TOX: variants seen among roughly 807,000 people sequenced by gnomAD.
TOX encodes thymocyte selection associated high mobility group box.
A neutral mutation model predicts 53.7 loss-of-function variants in TOX; 11 were observed. The observed-to-expected ratio is 0.20, with a 90% CI of 0.13 to 0.34. The LOEUF is 0.34. Among genes scored for constraint, TOX ranks in the 10% least tolerant of loss-of-function variants. The pLI, the probability that TOX is intolerant of heterozygous loss-of-function variation, is 1.00. For synonymous variants in TOX, 225 were observed against 245.3 expected (o/e 0.92, Z 0.77); for missense variants, 570 against 664.6 (o/e 0.86, Z 1.56).
At position 58,815,512 on chromosome 8, in the gene TOX, C is replaced by T. The variant is rs532438849; in HGVS notation, c.1218G>A (p.Val406=). 2 of 1,613,904 alleles carry T rather than the reference C, an allele frequency of 1.2e-6. No homozygotes were observed. Among genetic ancestry groups the T allele is most frequent in the Non-Finnish European group, 1.7e-6 (2 of 1,179,986 alleles). ...IAPKPNNQMP[V]TVSIANMAVS... ...CAGCCATGTTTGCTATAGAGACAGTCACTGGCATTTGGTTATTCGGCTTGG... is the reference window on the plus strand; with the variant it reads ...CAGCCATGTTTGCTATAGAGACAGTTACTGGCATTTGGTTATTCGGCTTGG... The change falls in exon 7 of 9, where the codon GTG becomes GTA. Residue 406 remains valine, a synonymous_variant. Transcript: ENST00000361421.
chr8:59,068,635 A>G (rs1447451547), intron 1 of TOX, among the ~76,000 whole-genome samples: 1 of 152,186 alleles, frequency 6.6e-6, no homozygotes, highest in Non-Finnish European at 1.5e-5. Flanking sequence ...CTTTACAACA[A>G]CCTTGTATGC....
At chr8:58,965,910 T>G (rs957225000) in intron 1 of TOX, among the ~76,000 whole-genome samples, 3 of 134,012 alleles carry the variant, frequency 2.2e-5, no homozygotes, top group East Asian at 2.1e-4. Flanking sequence ...TTTTTTTTTT[T>G]TTTTTTTTTT....
intron 3 of TOX, among the ~76,000 whole-genome samples, chr8:58,863,138 C>T (rs1811038824): frequency 6.6e-6 from 1 of 152,036 alleles, no homozygotes; most frequent in Non-Finnish European, 1.5e-5. Flanking sequence ...CCCTGTGTGA[C>T]AAGTGGCATA....
chr8:58,824,086 AC>A (rs144362312), intron 6 of TOX, among the ~76,000 whole-genome samples: 22,450 of 152,020 alleles, frequency 0.15, 1,985 homozygotes, highest in Non-Finnish European at 0.2. Flanking sequence ...ACTCTGAGGC[AC>A]TGGGTATTTT....
chr8:59,047,474 G>A (rs1376324683), intron 1 of TOX, among the ~76,000 whole-genome samples: 4 of 151,500 alleles, frequency 2.6e-5, no homozygotes, highest in Non-Finnish European at 2.9e-5. Context: ...TGATCCGCCC[G>A]CCTCGGCCTC....
intron 1 of TOX, among the ~76,000 whole-genome samples, chr8:59,090,364 CTCA>C (rs1242011309): frequency 6.6e-6 from 1 of 152,140 alleles, no homozygotes; most frequent in Non-Finnish European, 1.5e-5. Flanking sequence ...TTTGGTAGAA[CTCA>C]TCATATGTTT....
Position 58,815,403 on chromosome 8 carries a change from G to C in TOX, c.1327C>G (p.Gln443Glu). The change falls in exon 7 of 9, where the codon CAG (glutamine) becomes GAG (glutamate). Residue 443 changes from glutamine to glutamate, a missense_variant. Around this residue, in one of 3 missense-constraint regions of TOX, gnomAD observed 239 missense variants for 250.7 expected, o/e 0.95. Coordinates refer to ENST00000361421, the MANE Select transcript of TOX (RefSeq NM_014729.3). Reference sequence around the variant, plus strand: ...ATGGGGAGCTGGTTCCCAAGGGGCTGCTGCATGGTGAGCGGCTGGTGCTGC... The same window carrying C: ...ATGGGGAGCTGGTTCCCAAGGGGCTCCTGCATGGTGAGCGGCTGGTGCTGC... Reference protein sequence around the residue: ...MQQHQPLTMQQPLGNQLPMQV... With the variant: ...MQQHQPLTMQEPLGNQLPMQV... The C allele has an allele frequency of 6.2e-7, 1 of 1,613,796 alleles. No homozygotes were observed. Among genetic ancestry groups the C allele is most frequent in the Non-Finnish European group, 8.5e-7 (1 of 1,179,874 alleles).
At position 58,914,895 on chromosome 8, in the gene TOX, G is replaced by A. The variant is rs1056146844; in HGVS notation, c.411+24407C>T. On this transcript the variant is annotated intron_variant, in intron 3 of 8. Transcript: ENST00000361421. The stretch of plus-strand genomic sequence containing the variant: ...CGAGGCATTGCCTCACCTGGGAAGC[G>A]CAAGGGGTCAGGGAGTTCCCTTTCC... Among the ~76,000 whole-genome samples, 7 of 152,138 alleles carry A rather than the reference G, an allele frequency of 4.6e-5. No homozygotes were observed. The East Asian group carries it at 5.8e-4, about 13-fold the overall frequency.
chr8:58,894,441 C>T (rs1021621238), intron 3 of TOX, among the ~76,000 whole-genome samples: 10 of 152,090 alleles, frequency 6.6e-5, no homozygotes, highest in African/African-American at 1.4e-4. Flanking sequence ...GTGGGGCTTG[C>T]CCTCTATTTA....
intron 4 of TOX, among the ~76,000 whole-genome samples, chr8:58,843,056 T>C (rs1024938579): frequency 3.3e-5 from 5 of 152,224 alleles, no homozygotes; most frequent in African/African-American, 1.2e-4. Context: ...TGAGAGGCAC[T>C]AGACTCTAAA....
At chr8:59,040,943 C>T (rs561305692) in intron 1 of TOX, among the ~76,000 whole-genome samples, 1 of 152,296 alleles carries the variant, frequency 6.6e-6, no homozygotes, top group Non-Finnish European at 1.5e-5. Flanking sequence ...CCTCCATTGG[C>T]CCTCAGGAAC....
At chr8:59,063,191 C>T (rs1804019011) in intron 1 of TOX, among the ~76,000 whole-genome samples, 1 of 152,064 alleles carries the variant, frequency 6.6e-6, no homozygotes, top group African/African-American at 2.4e-5. Flanking sequence ...GTAAGAATCT[C>T]AATCAAACAT....
chr8:59,071,314 C>T (rs1804193914), intron 1 of TOX, among the ~76,000 whole-genome samples: 1 of 152,124 alleles, frequency 6.6e-6, no homozygotes. Flanking sequence ...CCACAGAGCA[C>T]CAACCACCTG....
chr8:59,069,060 C>T (rs986593645), intron 1 of TOX, among the ~76,000 whole-genome samples: 2 of 152,080 alleles, frequency 1.3e-5, no homozygotes, highest in South Asian at 2.1e-4. Flanking sequence ...GGGGCTCCTG[C>T]GACATGGCCA....
chr8:58,964,098 A>G (rs1404594966), intron 1 of TOX, among the ~76,000 whole-genome samples: 1 of 152,166 alleles, frequency 6.6e-6, no homozygotes, highest in Non-Finnish European at 1.5e-5. Flanking sequence ...AACAACAAAA[A>G]AGAATAAAAA....
chr8:58,931,403 G>T (rs1001699030), intron 3 of TOX, among the ~76,000 whole-genome samples: 1 of 152,010 alleles, frequency 6.6e-6, no homozygotes, highest in Non-Finnish European at 1.5e-5. Context: ...AAGGAATTGG[G>T]GTTATTTGGG....
chr8:58,948,547 C>G (rs546901977), intron 2 of TOX, among the ~76,000 whole-genome samples: 1 of 152,222 alleles, frequency 6.6e-6, no homozygotes. Flanking sequence ...AAACCATAAA[C>G]AAATCATTAG....
At chr8:59,038,502 C>A (rs992726049) in intron 1 of TOX, among the ~76,000 whole-genome samples, 1 of 152,194 alleles carries the variant, frequency 6.6e-6, no homozygotes, top group Non-Finnish European at 1.5e-5. Context: ...CCAATAGTAT[C>A]ATTTTTCAAT....
At position 59,118,873 on chromosome 8, in the gene TOX, GC is replaced by G; in HGVS notation, c.102+12del. 1.3e-6 allele frequency: 2 copies of G among 1,567,562 alleles called. No individual in the cohort carries two copies. Among genetic ancestry groups the G allele is most frequent in the Non-Finnish European group, 8.7e-7 (1 of 1,152,364 alleles). The stretch of plus-strand genomic sequence containing the variant: ...CAGCAAGAACACGGTGGAAACAAAA[GC>G]AGAGCGTTCACCTTGTTGCAATAGT... On this transcript the variant is annotated intron_variant, in intron 1 of 8. Transcript: ENST00000361421. This position sits in a 1 kb window ranked among gnomAD's most constrained non-coding sequence, Gnocchi z 4.1.
Sources: allele counts gnomAD v4.1 joint callset (sites outside exome capture counted in the v4.1 genomes callset), GRCh38; gene constraint gnomAD v4.1.1; regional missense constraint gnomAD v4.1.1; non-coding constraint Gnocchi (gnomAD v3.1); transcripts MANE v1.5; gene names NCBI Gene and HGNC (gene_info 2026-07-23, HGNC 2026-07-21).